Variants in DHRS7B observed in about 807,000 individuals in gnomAD.
DHRS7B encodes the protein peroxisomal reductase activating PPAR-gamma.
DHRS7B carries 24 observed loss-of-function variants against 26.4 expected under a neutral mutation model. The observed-to-expected ratio is 0.91, with a 90% confidence interval of 0.66 to 1.28. The LOEUF is 1.28. DHRS7B is among the 50% of genes most tolerant of loss of function. The probability of loss-of-function intolerance (pLI) is 0.00; values close to 1 mark genes in which losing one functional copy is unlikely to be tolerated. For synonymous variants in DHRS7B, 142 were observed against 166.4 expected (o/e 0.85, Z 1.13); for missense variants, 368 against 419.4 (o/e 0.88, Z 1.07).
intron 1 of DHRS7B, among the ~76,000 whole-genome samples, chr17:21,137,295 CTTT>C (rs1194614460): frequency 1.8e-5 from 2 of 108,226 alleles, no homozygotes. Flanking sequence ...TCTTTTTTGT[CTTT>C]TTTTTTTTTT....
chr17:21,127,141 G>T, intron 1 of DHRS7B, 150 bp downstream of exon 1: 1 of 770,464 alleles, frequency 1.3e-6, no homozygotes, highest in South Asian at 2.4e-5. Context: ...CCGCGACGCC[G>T]AACTCTGAAG....
intron 1 of DHRS7B, chr17:21,166,433 C>T (rs1436630253): frequency 2.1e-5 from 21 of 984,878 alleles, no homozygotes; most frequent in Non-Finnish European, 2.3e-5. Flanking sequence ...AAGACACTGG[C>T]GCCAGGAACC....
intron 1 of DHRS7B, among the ~76,000 whole-genome samples, chr17:21,158,032 AT>A (rs1010177473): frequency 1.3e-5 from 2 of 152,184 alleles, no homozygotes; most frequent in African/African-American, 4.8e-5. Context: ...CAGAGAAAGT[AT>A]TTGACAATAT....
At chr17:21,188,022 T>A (rs1974686497) in intron 5 of DHRS7B, among the ~76,000 whole-genome samples, 1 of 152,056 alleles carries the variant, frequency 6.6e-6, no homozygotes, top group Middle Eastern at 3.4e-3. Flanking sequence ...CTAATTTTTT[T>A]TGTATATTTA....
chr17:21,183,562 A>G (rs754524846), intron 3 of DHRS7B, 32 bp from the exon 4 acceptor site: 1 of 1,605,894 alleles, frequency 6.2e-7, no homozygotes, highest in South Asian at 1.1e-5. Flanking sequence ...TGCCACTCAG[A>G]AAGTGAATTT....
intron 1 of DHRS7B, among the ~76,000 whole-genome samples, chr17:21,137,935 T>C (rs1037235717): frequency 5.3e-5 from 8 of 151,024 alleles, no homozygotes; most frequent in Non-Finnish European, 7.4e-5. Flanking sequence ...CATTTCACCA[T>C]GTTAGCCAGG....
At chr17:21,150,105 TA>T (rs61516968) in intron 1 of DHRS7B, among the ~76,000 whole-genome samples, 17,670 of 49,890 alleles carry the variant, frequency 0.35, 1,814 homozygotes, top group Non-Finnish European at 0.44. Context: ...CATCTCTATT[TA>T]AAAAAAAAAA....
chr17:21,158,366 G>A (rs1390620017), intron 1 of DHRS7B, among the ~76,000 whole-genome samples: 1 of 152,300 alleles, frequency 6.6e-6, no homozygotes, highest in East Asian at 1.9e-4. Flanking sequence ...TTCACAGATG[G>A]CAATCATTTA....
chr17:21,145,120 T>C (rs568383295), intron 1 of DHRS7B, among the ~76,000 whole-genome samples: 2 of 151,848 alleles, frequency 1.3e-5, no homozygotes, highest in South Asian at 2.1e-4. Context: ...GTCAGGAGAT[T>C]GAGACCATCC....
At chr17:21,144,428 G>A (rs982762219) in intron 1 of DHRS7B, among the ~76,000 whole-genome samples, 1 of 152,176 alleles carries the variant, frequency 6.6e-6, no homozygotes, top group Non-Finnish European at 1.5e-5. Flanking sequence ...CATTTCATTT[G>A]TCATGCTGGA....
At position 21,140,468 on chromosome 17, in the gene DHRS7B, G is replaced by T. The variant is rs1018755212; in HGVS notation, c.20+13477G>T. 7.4e-5 allele frequency among the ~76,000 whole-genome samples: 8 copies of T among 107,670 alleles called. No homozygotes were observed. The Admixed American group carries it at 8.6e-4, about 12-fold the overall frequency. The allele number at this position is 107,670 out of a possible 152,430, so 70.6% of individuals were successfully genotyped here. On this transcript the variant is annotated intron_variant, in intron 1 of 6. Transcript: ENST00000395511. ...AAGTTTGGGTTATAGAAATTTTAAAGGCCTTTTAAATACACACACACACAC... is the reference window on the plus strand; with the variant it reads ...AAGTTTGGGTTATAGAAATTTTAAATGCCTTTTAAATACACACACACACAC...
At chr17:21,185,977 C>T (rs1342630024) in intron 5 of DHRS7B, among the ~76,000 whole-genome samples, 4 of 152,164 alleles carry the variant, frequency 2.6e-5, no homozygotes, top group African/African-American at 7.2e-5. Context: ...CATGAGCCAC[C>T]GCGCCCAGCT....
chr17:21,191,303 C>A lies in DHRS7B; in HGVS notation c.*150C>A. The stretch of plus-strand genomic sequence containing the variant: ...AACACATCTCGTGCAGATCTGCTGG[C>A]AGAGGACAATCAAAAACGACAACAA... On this transcript the variant is annotated 3_prime_UTR_variant, in exon 7 of 7. Transcript: ENST00000395511. 1 of 781,484 alleles carries A rather than the reference C, an allele frequency of 1.3e-6. No individual in the cohort carries two copies. Among genetic ancestry groups the A allele is most frequent in the African/African-American group, 1.7e-5 (1 of 57,406 alleles). The allele number at this position is 781,484 out of a possible 1,614,324, so 48.4% of individuals were successfully genotyped here.
At chr17:21,182,222 A>G (rs939988835) in intron 3 of DHRS7B, among the ~76,000 whole-genome samples, 2 of 151,936 alleles carry the variant, frequency 1.3e-5, no homozygotes, top group Non-Finnish European at 2.9e-5. Flanking sequence ...TATTAATGTG[A>G]TATATTATAA....
At chr17:21,157,616 C>T (rs990667861) in intron 1 of DHRS7B, among the ~76,000 whole-genome samples, 1 of 152,144 alleles carries the variant, frequency 6.6e-6, no homozygotes, top group Non-Finnish European at 1.5e-5. Context: ...ACTGCTTGAG[C>T]CTGGGCAGTT....
chr17:21,140,150 C>A (rs1796406580), intron 1 of DHRS7B, among the ~76,000 whole-genome samples: 1 of 147,928 alleles, frequency 6.8e-6, no homozygotes, highest in Non-Finnish European at 1.5e-5. Flanking sequence ...TCAGCCTCCC[C>A]CTAGCTGGGA....
At chr17:21,168,147 A>T (rs1239553101) in intron 1 of DHRS7B, among the ~76,000 whole-genome samples, 1 of 152,264 alleles carries the variant, frequency 6.6e-6, no homozygotes, top group Non-Finnish European at 1.5e-5. Flanking sequence ...AAGAAGGCCC[A>T]GCAGTGTGGC....
chr17:21,169,796 A>G (rs1302632002), intron 1 of DHRS7B, among the ~76,000 whole-genome samples: 1 of 152,010 alleles, frequency 6.6e-6, no homozygotes, highest in Non-Finnish European at 1.5e-5. Context: ...TTTCCACCCA[A>G]CACGCCTAGT....
At chr17:21,145,233 A>G (rs1010101506) in intron 1 of DHRS7B, among the ~76,000 whole-genome samples, 3 of 152,082 alleles carry the variant, frequency 2.0e-5, no homozygotes, top group Non-Finnish European at 2.9e-5. Flanking sequence ...CTGAGGCAGG[A>G]GAATGGCATG....
Sources: allele counts gnomAD v4.1 joint callset (sites outside exome capture counted in the v4.1 genomes callset), GRCh38; gene constraint gnomAD v4.1.1; transcripts MANE v1.5; gene names NCBI Gene and HGNC (gene_info 2026-07-23, HGNC 2026-07-21).